The following LMF1 variants were observed in gnomAD, a reference collection of about 807,000 sequenced individuals.
LMF1 encodes transmembrane protein 112.
A neutral mutation model predicts 60.6 loss-of-function variants in LMF1; 68 were observed. The observed-to-expected ratio is 1.12, with a 90% CI of 0.92 to 1.37. The LOEUF is 1.37. Among genes scored for constraint, LMF1 ranks in the 40% most tolerant of loss-of-function variants. The probability of loss-of-function intolerance (pLI) is 0.00; values close to 1 mark genes in which losing one functional copy is unlikely to be tolerated. For missense variants in LMF1, 948 were observed against 767.2 expected, an observed-to-expected ratio of 1.24 and a Z score of -2.78; for synonymous variants, 418 against 324.7, an observed-to-expected ratio of 1.29 and a Z score of -3.09.
chr16:870,048 C>A lies in LMF1; in HGVS notation c.1251G>T (p.Ala417=). ...GAFGSITKER[A]EVILQGTASS... is the part of the protein sequence containing the mutation. Reference sequence around the variant, plus strand: ...TGGCTGTGCCCTGCAGGATCACCTCCGCCCGCTCCTTGGTGATGCTGCCGG... The same window carrying A: ...TGGCTGTGCCCTGCAGGATCACCTCAGCCCGCTCCTTGGTGATGCTGCCGG... Residue 417 remains alanine, a synonymous_variant, in exon 9 of 11, where the codon GCG becomes GCT. Coordinates refer to ENST00000262301, the MANE Select transcript of LMF1 (RefSeq NM_022773.4). The A allele has an allele frequency of 1.2e-6, 2 of 1,610,346 alleles. No individual in the cohort carries two copies. Among genetic ancestry groups the A allele is most frequent in the East Asian group, 2.2e-5 (1 of 44,870 alleles).
rs113415816 is a variant in LMF1 at position 855,644 on chromosome 16, C to T, written c.1530-938G>A. ...AGCGGAAGCTTCTCAGCCCACAGGGCGGCTGCTGCCTGGCTGGGATCCATG... is the reference window on the plus strand; with the variant it reads ...AGCGGAAGCTTCTCAGCCCACAGGGTGGCTGCTGCCTGGCTGGGATCCATG... On this transcript the variant is annotated intron_variant, in intron 10 of 10. Transcript: ENST00000262301. The T allele has an allele frequency of 2.5e-3, 1,150 of 452,764 alleles. 14 individuals carry two copies. Among genetic ancestry groups the T allele is most frequent in the African/African-American group, 0.02 (1,024 of 50,126 alleles). 28.0% of individuals were successfully genotyped at this position (452,764 alleles called of 1,614,324 possible).
intron 2 of LMF1, among the ~76,000 whole-genome samples, chr16:940,075 C>T (rs758992222): frequency 1.3e-5 from 2 of 152,086 alleles, no homozygotes; most frequent in South Asian, 2.1e-4. Context: ...GGCAGGGACC[C>T]GAGTGATACG....
upstream of LMF1, among the ~76,000 whole-genome samples, chr16:971,876 C>T (rs1411833434): frequency 6.6e-6 from 1 of 152,194 alleles, no homozygotes; most frequent in Admixed American, 6.5e-5. Flanking sequence ...CATTTGTCAG[C>T]ACTCTTTACG....
intron 2 of LMF1, among the ~76,000 whole-genome samples, chr16:945,230 G>GAAAAAAAAAAAAAA (rs1555470147): frequency 1.1e-5 from 1 of 87,684 alleles, no homozygotes; most frequent in Non-Finnish European, 2.2e-5. Context: ...AAAAAAAAAG[G>GAAAAAAAAAAAAAA]AAAATATTTG....
chr16:915,421 C>T (rs369613488), intron 3 of LMF1, among the ~76,000 whole-genome samples: 18 of 152,212 alleles, frequency 1.2e-4, no homozygotes, highest in Admixed American at 7.9e-4. Flanking sequence ...GGCAGAGGTG[C>T]GTGCTCACCT....
In LMF1 at chr16:870,856, C is replaced by T. The variant is rs373856375; in HGVS notation, c.1105G>A (p.Val369Ile). Residue 369 changes from valine (V) to isoleucine (I), a missense_variant, in exon 8 of 11, where the codon GTC becomes ATC. Transcript: ENST00000262301. ...FGSVVRRAAN[V>I]SLGVLLAWLS... Reference sequence around the variant, plus strand: ...CAGGCCAGCAGGACGCCCAGCGAGACGTTGGCTGCACGCCGCACCACGGAG... The same window carrying T: ...CAGGCCAGCAGGACGCCCAGCGAGATGTTGGCTGCACGCCGCACCACGGAG... The T allele has an allele frequency of 4.9e-5, 79 of 1,610,484 alleles. No homozygotes were observed. The highest frequency in any genetic ancestry group is 1.2e-4 in the African/African-American group (9 of 74,926).
At chr16:880,220 GCCCGGGT>G (rs1434879757) in intron 5 of LMF1, among the ~76,000 whole-genome samples, 1 of 152,152 alleles carries the variant, frequency 6.6e-6, no homozygotes, top group Non-Finnish European at 1.5e-5. Context: ...CAGGAATGGG[GCCCGGGT>G]CCCGAGCCCA....
intron 3 of LMF1, among the ~76,000 whole-genome samples, chr16:926,011 G>A (rs888611586): frequency 6.6e-5 from 10 of 151,776 alleles, no homozygotes; most frequent in African/African-American, 2.4e-4. Context: ...GCATGCATGT[G>A]TGCTTGCATA....
At chr16:934,758 C>T (rs1327392734) in intron 2 of LMF1, among the ~76,000 whole-genome samples, 1 of 152,270 alleles carries the variant, frequency 6.6e-6, no homozygotes, top group Non-Finnish European at 1.5e-5. Context: ...TACCCTCAGA[C>T]AGCAGAGGCG....
chr16:922,715 T>C (rs980886214), intron 3 of LMF1, among the ~76,000 whole-genome samples: 1 of 134,768 alleles, frequency 7.4e-6, no homozygotes, highest in Non-Finnish European at 1.6e-5. Flanking sequence ...TGTGTGAAAG[T>C]CGCCTGGGTT....
At chr16:972,800 C>T (rs529842041), upstream of LMF1, among the ~76,000 whole-genome samples, 9 of 152,338 alleles carry the variant, frequency 5.9e-5, no homozygotes, top group East Asian at 7.7e-4. Flanking sequence ...CTCCGGGCTC[C>T]GGCTCTGCAT....
intron 1 of LMF1, among the ~76,000 whole-genome samples, chr16:967,559 C>T (rs1004186825): frequency 3.3e-5 from 5 of 152,170 alleles, no homozygotes; most frequent in Non-Finnish European, 7.4e-5. Context: ...CTGCTTAGGC[C>T]GGAAACTCCT....
intron 6 of LMF1, among the ~76,000 whole-genome samples, chr16:879,004 GCT>G (rs1376107454): frequency 3.9e-5 from 6 of 152,258 alleles, no homozygotes; most frequent in South Asian, 2.1e-4. Flanking sequence ...GCGTGGGGGT[GCT>G]CTGTCCTTCG....
chr16:936,103 T>G (rs1243585960), intron 2 of LMF1, among the ~76,000 whole-genome samples: 886 of 100,092 alleles, frequency 8.9e-3, no homozygotes, highest in Middle Eastern at 0.032. Context: ...GGCACCCCGT[T>G]GGCTGAGGAA....
Position 869,061 on chromosome 16 carries a change from G to A in LMF1, c.1417-5C>T. On this transcript the variant is annotated splice_region_variant and splice_polypyrimidine_tract_variant and intron_variant, in intron 9 of 10. Transcript: ENST00000262301. Reference sequence around the variant, plus strand: ...CCAGTCGTTGTGCTCGTAGGTCTGGGAGGAGAGGTCGGGCTGGAGACGGCT... The same window carrying A: ...CCAGTCGTTGTGCTCGTAGGTCTGGAAGGAGAGGTCGGGCTGGAGACGGCT... The A allele has an allele frequency of 6.2e-7, 1 of 1,601,544 alleles. No individual in the cohort carries two copies.
rs754356760 is a variant in LMF1, at chr16:878,379, C to T, written c.897+1191G>A. ...AGTCAGGAGCTGCTCAGGGCCCCGG[C>T]GGCCAGAGTGAGGGTCCTTGCTGGG... On this transcript the variant is annotated intron_variant, in intron 6 of 10. Transcript: ENST00000262301. The surrounding 1 kb of genome is among the most constrained non-coding windows in gnomAD (Gnocchi z 5.2). Among the ~76,000 whole-genome samples, 16 of 152,136 alleles carry T rather than the reference C, an allele frequency of 1.1e-4. No individual in the cohort carries two copies. Among genetic ancestry groups the T allele is most frequent in the Non-Finnish European group, 2.1e-4 (14 of 68,032 alleles).
intron 3 of LMF1, among the ~76,000 whole-genome samples, chr16:913,005 G>T (rs931805244): frequency 2.0e-5 from 3 of 152,236 alleles, no homozygotes; most frequent in Admixed American, 6.5e-5. Context: ...ACCCGAACGA[G>T]GCGGCAACAC....
intron 2 of LMF1, among the ~76,000 whole-genome samples, chr16:952,858 C>T (rs1196187826): frequency 7.1e-6 from 1 of 140,390 alleles, no homozygotes; most frequent in African/African-American, 2.8e-5. Context: ...CAGACACCCA[C>T]CCCAAACCAG....
chr16:899,473 A>G (rs1419174392), intron 4 of LMF1: 1 of 152,168 alleles, frequency 6.6e-6, no homozygotes, highest in African/African-American at 2.4e-5. Context: ...TAGGATAATT[A>G]CTCTCGTTCT....
Sources: allele counts gnomAD v4.1 joint callset (sites outside exome capture counted in the v4.1 genomes callset), GRCh38; gene constraint gnomAD v4.1.1; non-coding constraint Gnocchi (gnomAD v3.1); transcripts MANE v1.5; gene names NCBI Gene and HGNC (gene_info 2026-07-23, HGNC 2026-07-21).